The following BAZ2B variants were observed in gnomAD, a reference collection of about 807,000 sequenced individuals.
The protein encoded by BAZ2B is bromodomain adjacent to zinc finger domain protein 2B.
Under a neutral mutation model 246.0 loss-of-function variants are expected in BAZ2B, and 91 were observed. That is an observed-to-expected ratio of 0.37 (90% CI 0.31 to 0.44). The LOEUF is 0.44. Ranked by LOEUF, BAZ2B falls within the 20% of genes least tolerant of loss-of-function variation. The pLI, the probability that BAZ2B is intolerant of heterozygous loss-of-function variation, is 1.00. For synonymous variants in BAZ2B, 855 were observed against 860.0 expected, an observed-to-expected ratio of 0.99 and a Z score of 0.10; for missense variants, 2,332 against 2,533.7, an observed-to-expected ratio of 0.92 and a Z score of 1.71.
the BAZ2B span, among the ~76,000 whole-genome samples, chr2:159,680,645 G>A: frequency 6.6e-6 from 1 of 152,200 alleles, no homozygotes; most frequent in Non-Finnish European, 1.5e-5. Context: ...TAAATATGCT[G>A]TATGTGATAA....
chr2:159,347,511 A>G lies in BAZ2B; in HGVS notation c.5429T>C (p.Val1810Ala), dbSNP rs754841524. 6.2e-7 allele frequency: 1 copy of G among 1,613,426 alleles called. No homozygotes were observed. The highest frequency in any genetic ancestry group is 2.2e-5 in the East Asian group (1 of 44,794). Residue 1810 changes from valine to alanine, a missense_variant, in exon 31 of 37, where the codon GTT (valine) becomes GCT (alanine). Around this residue, in one of 9 missense-constraint regions of BAZ2B, gnomAD observed 676 missense variants for 668.6 expected, o/e 1.01. Coordinates refer to ENST00000392783, the MANE Select transcript of BAZ2B (RefSeq NM_013450.4). Reference protein sequence around the residue: ...LQQVEDLERRVASASLQVKGW... With the variant: ...LQQVEDLERRAASASLQVKGW... Reference sequence around the variant, plus strand: ...CTTCACTTGCAAACTTGCTGATGCAACTCTCCTTTCTAGATCTTCTACCTG... The same window carrying G: ...CTTCACTTGCAAACTTGCTGATGCAGCTCTCCTTTCTAGATCTTCTACCTG...
At chr2:159,573,492 C>T (rs1428359449) in intron 1 of BAZ2B, among the ~76,000 whole-genome samples, 1 of 152,170 alleles carries the variant, frequency 6.6e-6, no homozygotes, top group Non-Finnish European at 1.5e-5. Context: ...CCCTACCTCA[C>T]ACCATACACA....
the BAZ2B span, among the ~76,000 whole-genome samples, chr2:159,687,777 T>C: frequency 6.6e-6 from 1 of 152,184 alleles, no homozygotes; most frequent in Non-Finnish European, 1.5e-5. Context: ...ACTGGAGAAC[T>C]GGGATTTTGA....
At chr2:159,594,416 A>G (rs944632073) in intron 1 of BAZ2B, among the ~76,000 whole-genome samples, 5 of 152,232 alleles carry the variant, frequency 3.3e-5, no homozygotes, top group African/African-American at 1.2e-4. Context: ...CAAAAAAAAA[A>G]AGTAATTAGA....
chr2:159,522,480 G>T (rs1182814453), intron 2 of BAZ2B, among the ~76,000 whole-genome samples: 1 of 152,120 alleles, frequency 6.6e-6, no homozygotes, highest in African/African-American at 2.4e-5. Context: ...AACATCCAGA[G>T]TCAAACAGAA....
Position 159,519,808 on chromosome 2 carries a change from G to A in BAZ2B, c.-3+36015C>T, listed in dbSNP as rs2083930757. On this transcript the variant is annotated intron_variant, in intron 2 of 36. Coordinates refer to ENST00000392783, the MANE Select transcript of BAZ2B (RefSeq NM_013450.4). ...CTGCCTCAGCCTCCCCAGTAGCTGA[G>A]ACTGGCCAAGGGACCTTTCTTTTTA... 2.1e-5 allele frequency among the ~76,000 whole-genome samples: 3 copies of A among 143,984 alleles called. 1 individual carries two copies. The highest frequency in any genetic ancestry group is 4.6e-5 in the Non-Finnish European group (3 of 65,218). The allele number at this position is 143,984 out of a possible 152,430, so 94.5% of individuals were successfully genotyped here. A position where few individuals can be genotyped will look rare whatever the true frequency, so the allele number is the denominator to read the frequency against.
rs1194920383 is a variant in BAZ2B at position 159,337,696 on chromosome 2, C to A, written c.5531G>T (p.Cys1844Phe). 1.2e-6 allele frequency: 2 copies of A among 1,614,060 alleles called. No homozygotes were observed. Among genetic ancestry groups the A allele is most frequent in the African/African-American group, 1.3e-5 (1 of 74,930 alleles). ...YFEHKSFTKL[C>F]KEHDGEFTGE... is the part of the protein sequence containing the mutation. ...AGTAAATTCTCCATCATGCTCCTTG[C>A]ACAATTTAGTAAATGATTTATGTTC... The change falls in exon 32 of 37, where the codon TGC becomes TTC. Residue 1844 changes from cysteine (C) to phenylalanine (F), a missense_variant. This residue lies in a region of BAZ2B where 676 missense variants were observed against 668.6 expected (regional missense o/e 1.01). Coordinates refer to ENST00000392783, the MANE Select transcript of BAZ2B (RefSeq NM_013450.4).
intron 9 of BAZ2B, 102 bp from the exon 10 acceptor site, chr2:159,431,258 G>C (rs780474555): frequency 2.6e-5 from 38 of 1,454,348 alleles, no homozygotes; most frequent in Non-Finnish European, 3.3e-5. Context: ...ACCTGTGAAT[G>C]AGAACTCAAA....
the BAZ2B span, among the ~76,000 whole-genome samples, chr2:159,692,791 A>C: frequency 6.6e-6 from 1 of 152,158 alleles, no homozygotes; most frequent in African/African-American, 2.4e-5. Flanking sequence ...TGGTCATAAT[A>C]TGTTATTTTA....
At chr2:159,369,806 G>T in intron 27 of BAZ2B, among the ~76,000 whole-genome samples, 1 of 152,140 alleles carries the variant, frequency 6.6e-6, no homozygotes, top group East Asian at 1.9e-4. Flanking sequence ...CTTTGCTATT[G>T]TGAGTAGTGC....
chr2:159,478,611 C>T lies in BAZ2B; in HGVS notation c.109G>A (p.Gly37Arg). Residue 37 changes from glycine to arginine, a missense_variant, in exon 3 of 37, where the codon GGA becomes AGA. Transcript: ENST00000392783. ...SVVSKGGLST[G>R]VASLSSTINP... ...ATTGTAGAGCTAAGTGAAGCAACTCCAGTGGAAAGGCCACCTTTTGAAACT... is the reference window on the plus strand; with the variant it reads ...ATTGTAGAGCTAAGTGAAGCAACTCTAGTGGAAAGGCCACCTTTTGAAACT... 1.2e-6 allele frequency: 2 copies of T among 1,611,942 alleles called. No individual in the cohort carries two copies. The highest frequency in any genetic ancestry group is 1.1e-5 in the South Asian group (1 of 90,856).
intron 2 of BAZ2B, among the ~76,000 whole-genome samples, chr2:159,517,407 A>C (rs2083546239): frequency 6.6e-6 from 1 of 152,004 alleles, no homozygotes; most frequent in Admixed American, 6.5e-5. Flanking sequence ...ACAAACAAAA[A>C]ACCCAACTCC....
chr2:159,698,045 GA>G, the BAZ2B span, among the ~76,000 whole-genome samples: 4 of 152,090 alleles, frequency 2.6e-5, no homozygotes, highest in African/African-American at 9.7e-5. Context: ...GAGAGATTTT[GA>G]AAGTTTAGTG....
chr2:159,679,455 C>T, the BAZ2B span, among the ~76,000 whole-genome samples: 32 of 152,022 alleles, frequency 2.1e-4, no homozygotes, highest in African/African-American at 7.5e-4. Flanking sequence ...TTTATATATT[C>T]ATCCATGGAA....
chr2:159,380,914 T>C (rs1377738809), intron 25 of BAZ2B, among the ~76,000 whole-genome samples: 1 of 152,180 alleles, frequency 6.6e-6, no homozygotes, highest in East Asian at 1.9e-4. Context: ...GATTTTGCTT[T>C]GTTTCCTTTT....
At chr2:159,589,134 T>G (rs777547430) in intron 1 of BAZ2B, among the ~76,000 whole-genome samples, 12 of 152,196 alleles carry the variant, frequency 7.9e-5, no homozygotes, top group Non-Finnish European at 1.2e-4. Context: ...ACTACTAATA[T>G]TTAACACATG....
chr2:159,476,642 T>C (rs984607876), intron 3 of BAZ2B, among the ~76,000 whole-genome samples: 1 of 152,210 alleles, frequency 6.6e-6, no homozygotes, highest in African/African-American at 2.4e-5. Flanking sequence ...TACTCAAGGA[T>C]GCTATTGAAG....
chr2:159,475,127 G>A (rs1559551984), intron 3 of BAZ2B, among the ~76,000 whole-genome samples: 1 of 152,088 alleles, frequency 6.6e-6, no homozygotes, highest in African/African-American at 2.4e-5. Flanking sequence ...AAATTCTCCC[G>A]GGTAATATCC....
chr2:159,372,874 G>A (rs1488445033), intron 27 of BAZ2B, among the ~76,000 whole-genome samples, 171 bp downstream of exon 27: 1 of 152,328 alleles, frequency 6.6e-6, no homozygotes, highest in Non-Finnish European at 1.5e-5. Flanking sequence ...AGGGCTAGGA[G>A]GAAGTGTGTA....
Sources: gnomAD v4.1 joint callset for allele counts (sites outside exome capture counted in the v4.1 genomes callset) on GRCh38, gnomAD v4.1.1 for gene constraint, gnomAD v4.1.1 regional missense constraint, MANE v1.5 for transcripts, NCBI Gene and HGNC (gene_info 2026-07-23, HGNC 2026-07-21) for gene names.